PDLIM5: variants seen among roughly 807,000 people sequenced by gnomAD.
PDLIM5 encodes the protein PDZ and LIM domain protein 5.
Under a neutral mutation model 64.2 loss-of-function variants are expected in PDLIM5, and 34 were observed. The observed-to-expected ratio is 0.53, with a 90% CI of 0.40 to 0.71. The LOEUF (loss-of-function observed/expected upper bound fraction) is 0.71, where lower values mean the gene tolerates loss of function less well. Among genes scored for constraint, PDLIM5 ranks in the 30% least tolerant of loss-of-function variants. The pLI, the probability that PDLIM5 is intolerant of heterozygous loss-of-function variation, is 0.00. For missense variants in PDLIM5, 683 were observed against 733.6 expected (o/e 0.93, Z 0.80); for synonymous variants, 253 against 269.1 (o/e 0.94, Z 0.59).
At chr4:94,632,078 C>G (rs1370450188) in intron 8 of PDLIM5, among the ~76,000 whole-genome samples, 1 of 152,226 alleles carries the variant, frequency 6.6e-6, no homozygotes. Context: ...ATTACAGGCT[C>G]TTAGCATAAA....
intron 9 of PDLIM5, among the ~76,000 whole-genome samples, chr4:94,654,179 T>G (rs944144378): frequency 1.3e-5 from 2 of 152,116 alleles, no homozygotes; most frequent in African/African-American, 4.8e-5. Flanking sequence ...ATTGCCTCAT[T>G]TCAGCTCAAT....
Position 94,667,936 on chromosome 4 carries a change from C to G in PDLIM5, c.*3869C>G, listed in dbSNP as rs1398242379. ...TCATCCCCATTGAAGGGAGAGCCTT[C>G]TCAGACATGAAGCAAGGGAAACATA... On this transcript the variant is annotated 3_prime_UTR_variant, in exon 13 of 13. Coordinates refer to ENST00000317968, the MANE Select transcript of PDLIM5 (RefSeq NM_006457.5). The G allele has an allele frequency of 6.6e-6, 1 of 152,110 alleles. No individual in the cohort carries two copies. The highest frequency in any genetic ancestry group is 1.5e-5 in the Non-Finnish European group (1 of 68,014). The allele number at this position is 152,110 out of a possible 1,614,324, so 9.4% of individuals were successfully genotyped here.
At chr4:94,484,309 A>G (rs1726125232) in intron 2 of PDLIM5, among the ~76,000 whole-genome samples, 1 of 152,228 alleles carries the variant, frequency 6.6e-6, no homozygotes, top group Non-Finnish European at 1.5e-5. Context: ...AGGGAAAGTT[A>G]AATTTGAAGA....
At chr4:94,602,221 G>A (rs1209953698) in intron 7 of PDLIM5, among the ~76,000 whole-genome samples, 3 of 151,862 alleles carry the variant, frequency 2.0e-5, no homozygotes, top group Admixed American at 2.0e-4. Context: ...TAGTCTATTT[G>A]ATCATTTTAT....
chr4:94,576,688 GTAAATT>G (rs1177329243), intron 5 of PDLIM5, among the ~76,000 whole-genome samples: 2 of 152,220 alleles, frequency 1.3e-5, no homozygotes, highest in Non-Finnish European at 2.9e-5. Context: ...TCTGAAATGA[GTAAATT>G]TAAGCCATTG....
intron 3 of PDLIM5, among the ~76,000 whole-genome samples, chr4:94,544,089 G>A (rs1732094649): frequency 6.6e-6 from 1 of 152,048 alleles, no homozygotes; most frequent in Non-Finnish European, 1.5e-5. Flanking sequence ...CAACACTTGT[G>A]ATCATTTTGG....
intron 8 of PDLIM5, among the ~76,000 whole-genome samples, chr4:94,639,356 A>T (rs1218530312): frequency 6.6e-6 from 1 of 152,134 alleles, no homozygotes; most frequent in Non-Finnish European, 1.5e-5. Context: ...GTTGGGTCAG[A>T]TTTCAGTCTT....
intron 8 of PDLIM5, among the ~76,000 whole-genome samples, chr4:94,626,695 C>T (rs970752268): frequency 1.3e-5 from 2 of 151,754 alleles, no homozygotes; most frequent in East Asian, 1.9e-4. Context: ...TAATCATACC[C>T]GCTTCTGGTG....
chr4:94,648,642 A>G (rs1741605326), intron 9 of PDLIM5, among the ~76,000 whole-genome samples: 1 of 152,210 alleles, frequency 6.6e-6, no homozygotes, highest in South Asian at 2.1e-4. Context: ...GGGTTAGCTG[A>G]GTACCCTGCT....
chr4:94,585,853 T>C, intron 6 of PDLIM5, 116 bp downstream of exon 6: 1 of 755,556 alleles, frequency 1.3e-6, no homozygotes, highest in Non-Finnish European at 2.2e-6. Context: ...TTTTAAATTA[T>C]GCTGTGCATA....
chr4:94,626,797 T>TG, intron 8 of PDLIM5, among the ~76,000 whole-genome samples: 1 of 143,596 alleles, frequency 7.0e-6, no homozygotes, highest in African/African-American at 2.7e-5. Context: ...TGTTTTTTTG[T>TG]TTTTTTTTTG....
chr4:94,622,397 C>T (rs1739308942), intron 8 of PDLIM5, among the ~76,000 whole-genome samples: 1 of 152,146 alleles, frequency 6.6e-6, no homozygotes, highest in South Asian at 2.1e-4. Context: ...GTCATAAAGT[C>T]ATGAAGAGCC....
At chr4:94,453,186 T>G (rs1353738308) in intron 1 of PDLIM5, among the ~76,000 whole-genome samples, 1 of 152,150 alleles carries the variant, frequency 6.6e-6, no homozygotes, top group Non-Finnish European at 1.5e-5. Context: ...TTTCGACGTG[T>G]TTGAAAGAGT....
intron 3 of PDLIM5, among the ~76,000 whole-genome samples, chr4:94,540,837 G>C (rs1410820806): frequency 6.6e-6 from 1 of 152,058 alleles, no homozygotes; most frequent in African/African-American, 2.4e-5. Context: ...AAACTTATTT[G>C]TCAGCTTTTG....
intron 2 of PDLIM5, chr4:94,455,811 T>G (rs999220346): frequency 1.3e-6 from 2 of 1,504,710 alleles, no homozygotes; most frequent in Non-Finnish European, 1.8e-6. Flanking sequence ...TCGGAATTAT[T>G]TCCTCAGCTC....
At position 94,665,573 on chromosome 4, in the gene PDLIM5, A is replaced by T; in HGVS notation, c.*1506A>T. 1.1e-6 allele frequency: 1 copy of T among 919,320 alleles called. No homozygotes were observed. The highest frequency in any genetic ancestry group is 1.3e-6 in the Non-Finnish European group (1 of 794,006). 56.9% of individuals were successfully genotyped at this position (919,320 alleles called of 1,614,324 possible). A position where few individuals can be genotyped will look rare whatever the true frequency, so the allele number is the denominator to read the frequency against. On this transcript the variant is annotated 3_prime_UTR_variant, in exon 13 of 13. Transcript: ENST00000317968. Reference sequence around the variant, plus strand: ...GTGAATCAGAAGATTATACCCCCCAATTGTTTTTCAATCCCCTTTTCTCAA... The same window carrying T: ...GTGAATCAGAAGATTATACCCCCCATTTGTTTTTCAATCCCCTTTTCTCAA...
rs1198263048 is a variant in PDLIM5 at position 94,665,258 on chromosome 4, C to T, written c.*1191C>T. On this transcript the variant is annotated 3_prime_UTR_variant, in exon 13 of 13. Coordinates refer to ENST00000317968, the MANE Select transcript of PDLIM5 (RefSeq NM_006457.5). ...CAGCACTTTGGGAGGCCAAGACGGG[C>T]GGATCATGAGGTCAAGAGATCAAGA... 13 of 382,988 alleles carry T rather than the reference C, an allele frequency of 3.4e-5. No individual in the cohort carries two copies. The East Asian group carries it at 6.5e-4, about 19-fold the overall frequency. The allele number at this position is 382,988 out of a possible 1,614,324, so 23.7% of individuals were successfully genotyped here. A position where few individuals can be genotyped will look rare whatever the true frequency, so the allele number is the denominator to read the frequency against.
chr4:94,541,895 T>C (rs563339334), intron 3 of PDLIM5, among the ~76,000 whole-genome samples: 1 of 152,350 alleles, frequency 6.6e-6, no homozygotes, highest in Admixed American at 6.5e-5. Flanking sequence ...CACTTCACCT[T>C]CTGTCCTCAG....
intron 8 of PDLIM5, among the ~76,000 whole-genome samples, chr4:94,625,773 T>C (rs545357886): frequency 6.6e-6 from 1 of 152,264 alleles, no homozygotes; most frequent in Admixed American, 6.5e-5. Context: ...ATTCTTAACC[T>C]CTGATAGTCC....
Sources: allele counts gnomAD v4.1 joint callset (sites outside exome capture counted in the v4.1 genomes callset), GRCh38; gene constraint gnomAD v4.1.1; transcripts MANE v1.5; gene names NCBI Gene and HGNC (gene_info 2026-07-23, HGNC 2026-07-21).